The following ATP2B1 variants were observed in gnomAD, a reference collection of about 807,000 sequenced individuals.
ATP2B1 encodes the protein ATPase plasma membrane Ca2+ transporting 1.
A neutral mutation model predicts 124.2 loss-of-function variants in ATP2B1; 14 were observed. That is an observed-to-expected ratio of 0.11 (90% CI 0.07 to 0.18). The LOEUF (loss-of-function observed/expected upper bound fraction) is 0.18. ATP2B1 is among the 10% of genes least tolerant of loss of function. The pLI, the probability that ATP2B1 is intolerant of heterozygous loss-of-function variation, is 1.00. For missense variants in ATP2B1, 763 were observed against 1,466.1 expected, an observed-to-expected ratio of 0.52 and a Z score of 7.83; for synonymous variants, 449 against 492.4, an observed-to-expected ratio of 0.91 and a Z score of 1.17.
At chr12:89,676,278 T>C (rs1225449002) in intron 1 of ATP2B1, among the ~76,000 whole-genome samples, 2 of 152,158 alleles carry the variant, frequency 1.3e-5, no homozygotes, top group Non-Finnish European at 2.9e-5. Flanking sequence ...ATGTAAGGTA[T>C]TGCAAAAGAA....
chr12:89,685,766 A>G (rs1280558383), intron 1 of ATP2B1, among the ~76,000 whole-genome samples: 1 of 152,114 alleles, frequency 6.6e-6, no homozygotes, highest in Non-Finnish European at 1.5e-5. Flanking sequence ...CAATGTGACC[A>G]TATTTGGCAA....
At chr12:89,707,921 T>A (rs2136934833) in intron 1 of ATP2B1, among the ~76,000 whole-genome samples, 1 of 151,622 alleles carries the variant, frequency 6.6e-6, no homozygotes. Flanking sequence ...AAAAGGGAGG[T>A]GGGGGCGCAG....
intron 3 of ATP2B1, among the ~76,000 whole-genome samples, chr12:89,641,184 CCAG>C (rs1883444151): frequency 6.6e-6 from 1 of 151,862 alleles, no homozygotes; most frequent in African/African-American, 2.4e-5. Flanking sequence ...ACAGAATCTA[CCAG>C]CAGAACTATT....
chr12:89,609,923 G>T lies in ATP2B1; in HGVS notation c.2442+14C>A. On this transcript the variant is annotated intron_variant, in intron 15 of 20. Coordinates refer to ENST00000428670, the MANE Select transcript of ATP2B1 (RefSeq NM_001366521.1). ...GTAAATTACGTTTGGATATTTGAATGAGTAAATTCTTACCATTGCAAATCC... is the reference window on the plus strand; with the variant it reads ...GTAAATTACGTTTGGATATTTGAATTAGTAAATTCTTACCATTGCAAATCC... The T allele has an allele frequency of 6.2e-7, 1 of 1,603,530 alleles. No homozygotes were observed. The highest frequency in any genetic ancestry group is 1.1e-5 in the South Asian group (1 of 90,128).
chr12:89,641,753 GA>G (rs1883540877), intron 3 of ATP2B1: 1 of 158,930 alleles, frequency 6.3e-6, no homozygotes, highest in South Asian at 1.9e-4. Context: ...GACAAGTAAT[GA>G]ATTTGGGAAG....
intron 1 of ATP2B1, among the ~76,000 whole-genome samples, chr12:89,678,427 C>T (rs1205349024): frequency 6.6e-6 from 1 of 152,106 alleles, no homozygotes; most frequent in Non-Finnish European, 1.5e-5. Context: ...GTTCTCAACA[C>T]TATGCTGTTA....
At chr12:89,616,712 G>C in intron 12 of ATP2B1, 90 bp downstream of exon 12, 1 of 1,258,168 alleles carries the variant, frequency 7.9e-7, no homozygotes, top group Non-Finnish European at 1.1e-6. Context: ...CAAACACCAA[G>C]AATTTTACTA....
intron 13 of ATP2B1, among the ~76,000 whole-genome samples, chr12:89,610,870 C>CTAG (rs2136001577): frequency 6.6e-6 from 1 of 152,220 alleles, no homozygotes; most frequent in East Asian, 1.9e-4. Context: ...TTTGGGGCCC[C>CTAG]CTAAAATATG....
At chr12:89,606,429 C>A (rs1021020992) in intron 15 of ATP2B1, among the ~76,000 whole-genome samples, 1 of 152,134 alleles carries the variant, frequency 6.6e-6, no homozygotes, top group Non-Finnish European at 1.5e-5. Context: ...AACTACTTGA[C>A]CTTTTAAATG....
chr12:89,658,654 A>G (rs1168737859), intron 1 of ATP2B1, among the ~76,000 whole-genome samples: 7 of 148,698 alleles, frequency 4.7e-5, no homozygotes, highest in African/African-American at 1.8e-4. Context: ...AGAGATAGAG[A>G]TAGCATGTGG....
intron 1 of ATP2B1, among the ~76,000 whole-genome samples, chr12:89,683,734 T>C (rs1889637540): frequency 2.0e-5 from 3 of 152,120 alleles, no homozygotes; most frequent in Admixed American, 6.5e-5. Context: ...TTTTACACAA[T>C]TAAGTTTGGG....
Position 89,591,027 on chromosome 12 carries a change from G to A in ATP2B1, c.3620C>T (p.Ser1207Leu). ...TIEMNKSATSSSPGSPLHSLE... is the reference protein window; with the variant it reads ...TIEMNKSATSLSPGSPLHSLE... The stretch of plus-strand genomic sequence containing the variant: ...ACTATGTAGTGGGCTTCCTGGGGAT[G>A]AAGAGGTAGCAGACTTGTTCATTTC... The change falls in exon 21 of 21, where the codon TCA (serine) becomes TTA (leucine). Residue 1207 changes from serine (S) to leucine (L), a missense_variant. This residue lies in a region of ATP2B1 where 97 missense variants were observed against 94.7 expected (regional missense o/e 1.02). Coordinates refer to ENST00000428670, the MANE Select transcript of ATP2B1 (RefSeq NM_001366521.1). 1 of 1,613,106 alleles carries A rather than the reference G, an allele frequency of 6.2e-7. No homozygotes were observed. Among genetic ancestry groups the A allele is most frequent in the Non-Finnish European group, 8.5e-7 (1 of 1,179,266 alleles).
chr12:89,648,232 G>C (rs977254017), intron 2 of ATP2B1, among the ~76,000 whole-genome samples: 5 of 152,188 alleles, frequency 3.3e-5, no homozygotes, highest in African/African-American at 1.2e-4. Context: ...GGAAATGAGG[G>C]AAAGTCTGGA....
chr12:89,697,806 A>C (rs1352019551), intron 1 of ATP2B1, among the ~76,000 whole-genome samples: 2 of 149,170 alleles, frequency 1.3e-5, no homozygotes, highest in Non-Finnish European at 3.0e-5. Flanking sequence ...AAGTACCCTC[A>C]AATCCTTCAT....
chr12:89,630,498 T>C lies in ATP2B1; in HGVS notation c.928+7A>G, dbSNP rs1190841708. 6.4e-7 allele frequency: 1 copy of C among 1,555,774 alleles called. No individual in the cohort carries two copies. Among genetic ancestry groups the C allele is most frequent in the African/African-American group, 1.4e-5 (1 of 72,246 alleles). On this transcript the variant is annotated splice_region_variant and intron_variant, in intron 6 of 20. Coordinates refer to ENST00000428670, the MANE Select transcript of ATP2B1 (RefSeq NM_001366521.1). ...AAATACCAATTATAGAAAATTGTTATTCTTACTTTTCTTTTCCTTTTTCTT... is the reference window on the plus strand; with the variant it reads ...AAATACCAATTATAGAAAATTGTTACTCTTACTTTTCTTTTCCTTTTTCTT...
intron 1 of ATP2B1, among the ~76,000 whole-genome samples, chr12:89,694,054 G>A (rs1396532807): frequency 1.3e-5 from 2 of 152,064 alleles, no homozygotes; most frequent in Non-Finnish European, 2.9e-5. Context: ...GGTTTCCACT[G>A]ACCTCAAAAT....
intron 15 of ATP2B1, among the ~76,000 whole-genome samples, chr12:89,605,804 G>A (rs1876722776): frequency 6.6e-6 from 1 of 152,150 alleles, no homozygotes; most frequent in Non-Finnish European, 1.5e-5. Context: ...TGTGCAGCAA[G>A]GCTAGCAAAC....
At position 89,655,755 on chromosome 12, in the gene ATP2B1, A is replaced by C. The variant is rs1487419438; in HGVS notation, c.132T>G (p.Asp44Glu). 1.2e-6 allele frequency: 2 copies of C among 1,614,072 alleles called. No individual in the cohort carries two copies. Among genetic ancestry groups the C allele is most frequent in the Non-Finnish European group, 1.7e-6 (2 of 1,180,026 alleles). The change falls in exon 2 of 21, where the codon GAT becomes GAG. Residue 44 changes from aspartate to glutamate, a missense_variant. By Grantham distance (45) the Asp-to-Glu change is conservative. Around this residue, in one of 7 missense-constraint regions of ATP2B1, gnomAD observed 93 missense variants for 112.7 expected, o/e 0.83. Coordinates refer to ENST00000428670, the MANE Select transcript of ATP2B1 (RefSeq NM_001366521.1). ...LRALMELRST[D>E]ALRKIQESYG... ...AGCTTTCCTGTATTTTTCGTAATGC[A>C]TCTGTGGACCTGAGCTCCATGAGAG...
In ATP2B1 at chr12:89,656,099, T is replaced by C. The variant is rs1885920627; in HGVS notation, c.-213A>G. 2.1e-6 allele frequency: 1 copy of C among 474,554 alleles called. No homozygotes were observed. Among genetic ancestry groups the C allele is most frequent in the South Asian group, 5.3e-5 (1 of 18,960 alleles). The allele number at this position is 474,554 out of a possible 1,614,324, so 29.4% of individuals were successfully genotyped here. A position where few individuals can be genotyped will look rare whatever the true frequency, so the allele number is the denominator to read the frequency against. Reference sequence around the variant, plus strand: ...TAGTTTCTCCATATCAATCATGAGATATACACATCTGTAAGAAGAAAATAT... The same window carrying C: ...TAGTTTCTCCATATCAATCATGAGACATACACATCTGTAAGAAGAAAATAT... On this transcript the variant is annotated 5_prime_UTR_variant, in exon 2 of 21. It adds an upstream start codon to the 5' untranslated region. Coordinates refer to ENST00000428670, the MANE Select transcript of ATP2B1 (RefSeq NM_001366521.1).
Sources: gnomAD v4.1 joint callset for allele counts (sites outside exome capture counted in the v4.1 genomes callset) on GRCh38, gnomAD v4.1.1 for gene constraint, gnomAD v4.1.1 regional missense constraint, MANE v1.5 for transcripts, NCBI Gene and HGNC (gene_info 2026-07-23, HGNC 2026-07-21) for gene names.